TLL1: variants seen among roughly 807,000 people sequenced by gnomAD.
TLL1 encodes tolloid-like protein 1.
TLL1 carries 49 observed loss-of-function variants against 128.2 expected under a neutral mutation model. The observed-to-expected ratio is 0.38, with a 90% CI of 0.30 to 0.48. The LOEUF (loss-of-function observed/expected upper bound fraction) is 0.48, where lower values mean the gene tolerates loss of function less well. TLL1 is among the 20% of genes least tolerant of loss of function. The pLI is 0.96. For synonymous variants in TLL1, 454 were observed against 418.8 expected (o/e 1.08, Z -1.03); for missense variants, 1,123 against 1,242.0 (o/e 0.90, Z 1.44).
At chr4:166,045,596 A>T (rs1739427297) in intron 12 of TLL1, among the ~76,000 whole-genome samples, 1 of 152,138 alleles carries the variant, frequency 6.6e-6, no homozygotes, top group South Asian at 2.1e-4. Context: ...TGCTTTTACA[A>T]TGTACGTTAG....
At chr4:166,055,854 A>ACATCAT (rs1739980162) in intron 13 of TLL1, among the ~76,000 whole-genome samples, 1 of 152,170 alleles carries the variant, frequency 6.6e-6, no homozygotes. Context: ...GAAAATATTA[A>ACATCAT]CATCACATAT....
chr4:165,905,600 TCTC>T (rs1732212636), intron 1 of TLL1, among the ~76,000 whole-genome samples: 1 of 152,242 alleles, frequency 6.6e-6, no homozygotes. Flanking sequence ...CTCGTCATCT[TCTC>T]CTCCTGTTGT....
chr4:165,992,983 G>A (rs1736714957), intron 3 of TLL1, 99 bp downstream of exon 3: 1 of 992,876 alleles, frequency 1.0e-6, no homozygotes, highest in Non-Finnish European at 1.6e-6. Flanking sequence ...CCATTATGAT[G>A]TGAAGTATGT....
At chr4:166,043,158 C>T in intron 11 of TLL1, 116 bp from the exon 12 acceptor site, 2 of 1,385,152 alleles carry the variant, frequency 1.4e-6, no homozygotes, top group Non-Finnish European at 2.0e-6. Context: ...ATTTTTATAG[C>T]CTGGTCTTTA....
In TLL1 at chr4:166,100,730, G is replaced by A. The variant is rs768821024; in HGVS notation, c.2908-12G>A. 1.0e-4 allele frequency: 168 copies of A among 1,612,356 alleles called. No homozygotes were observed. The highest frequency in any genetic ancestry group is 1.4e-4 in the Non-Finnish European group (162 of 1,179,014). Reference sequence around the variant, plus strand: ...GCTTGTTTACTTGCTTGTTGTTTTTGTTTTCCTTCAGCCACCAGAAGAGAT... The same window carrying A: ...GCTTGTTTACTTGCTTGTTGTTTTTATTTTCCTTCAGCCACCAGAAGAGAT... On this transcript the variant is annotated splice_polypyrimidine_tract_variant and intron_variant, in intron 20 of 20. Coordinates refer to ENST00000061240, the MANE Select transcript of TLL1 (RefSeq NM_012464.5).
intron 1 of TLL1, among the ~76,000 whole-genome samples, chr4:165,879,972 TC>T (rs143871034): frequency 0.026 from 3,915 of 152,280 alleles, 167 homozygotes; most frequent in African/African-American, 0.088. Flanking sequence ...CAGAGTCCTC[TC>T]CCCAACCCTG....
At chr4:166,057,533 T>C (rs1319229137) in intron 14 of TLL1, among the ~76,000 whole-genome samples, 1 of 152,062 alleles carries the variant, frequency 6.6e-6, no homozygotes, top group Non-Finnish European at 1.5e-5. Context: ...CTTGTTTATA[T>C]ATGTATAACA....
intron 6 of TLL1, among the ~76,000 whole-genome samples, chr4:166,004,954 G>GGT (rs1553960106): frequency 1.3e-5 from 2 of 151,992 alleles, no homozygotes; most frequent in African/African-American, 4.8e-5. Context: ...GGTGGCGGGG[G>GGT]GGTGCCTGAA....
chr4:166,098,230 G>T (rs1276788052), intron 19 of TLL1, among the ~76,000 whole-genome samples: 1 of 151,372 alleles, frequency 6.6e-6, no homozygotes, highest in African/African-American at 2.4e-5. Flanking sequence ...AGTTACTTGG[G>T]AGGGTGAGGC....
intron 1 of TLL1, among the ~76,000 whole-genome samples, chr4:165,947,417 T>G (rs571815579): frequency 2.0e-5 from 3 of 152,208 alleles, no homozygotes; most frequent in South Asian, 4.1e-4. Flanking sequence ...ACACCTGGCT[T>G]CTTCTTGCAG....
chr4:165,974,158 T>TTTTTTTA (rs869164420), intron 1 of TLL1, among the ~76,000 whole-genome samples: 5 of 122,680 alleles, frequency 4.1e-5, no homozygotes, highest in East Asian at 2.1e-4. Context: ...TTTTTTTTTT[T>TTTTTTTA]GAGACGGAGT....
At chr4:165,877,782 T>C (rs1004236086) in intron 1 of TLL1, among the ~76,000 whole-genome samples, 4 of 151,890 alleles carry the variant, frequency 2.6e-5, no homozygotes, top group Non-Finnish European at 5.9e-5. Flanking sequence ...TCTTTCTTTT[T>C]TTTTTTTCTT....
chr4:166,095,477 C>T (rs775668077), intron 19 of TLL1, among the ~76,000 whole-genome samples: 2 of 151,666 alleles, frequency 1.3e-5, no homozygotes, highest in African/African-American at 2.4e-5. Context: ...ACAGGAGAAA[C>T]ATGGAGAGAA....
Position 165,959,775 on chromosome 4 carries a change from A to G in TLL1, c.170-29606A>G, listed in dbSNP as rs556032503. Among the ~76,000 whole-genome samples the G allele has an allele frequency of 6.6e-5, 10 of 152,274 alleles. No individual in the cohort carries two copies. In the East Asian group the frequency reaches 9.7e-4, roughly 15 times the overall value. On this transcript the variant is annotated intron_variant, in intron 1 of 20. Coordinates refer to ENST00000061240, the MANE Select transcript of TLL1 (RefSeq NM_012464.5). ...AACACACAATTAAGGCAGAAATAAAAAAGTTATTTGAAATTAGTGAAAACG... is the reference window on the plus strand; with the variant it reads ...AACACACAATTAAGGCAGAAATAAAGAAGTTATTTGAAATTAGTGAAAACG...
At chr4:165,921,227 A>G (rs1387585277) in intron 1 of TLL1, among the ~76,000 whole-genome samples, 1 of 152,228 alleles carries the variant, frequency 6.6e-6, no homozygotes, top group Non-Finnish European at 1.5e-5. Context: ...AAAATTTGTT[A>G]TTCTTTTGGA....
At chr4:166,040,575 C>T (rs1024833284) in intron 10 of TLL1, among the ~76,000 whole-genome samples, 1 of 152,142 alleles carries the variant, frequency 6.6e-6, no homozygotes, top group Non-Finnish European at 1.5e-5. Context: ...GAAAAGCTTT[C>T]CTTACTATTT....
intron 3 of TLL1, among the ~76,000 whole-genome samples, chr4:165,994,121 C>T (rs1736758688): frequency 6.6e-6 from 1 of 152,086 alleles, no homozygotes; most frequent in Admixed American, 6.5e-5. Context: ...CTTCTATCCA[C>T]TTTAGGCTGT....
chr4:165,995,191 A>G lies in TLL1; in HGVS notation c.632+13A>G. 1 of 1,560,056 alleles carries G rather than the reference A, an allele frequency of 6.4e-7. No homozygotes were observed. Among genetic ancestry groups the G allele is most frequent in the Non-Finnish European group, 8.8e-7 (1 of 1,130,690 alleles). On this transcript the variant is annotated intron_variant, in intron 5 of 20. Coordinates refer to ENST00000061240, the MANE Select transcript of TLL1 (RefSeq NM_012464.5). ...ATAGGCCTTGTGGGTAAGTAGAACT[A>G]GGTAGGGACTGACTTAAGGAAAAAA...
At chr4:166,007,406 A>G (rs1310567559) in intron 6 of TLL1, among the ~76,000 whole-genome samples, 3 of 151,722 alleles carry the variant, frequency 2.0e-5, no homozygotes. Flanking sequence ...AAATGAAAGT[A>G]GAGAATTTGC....
Sources: allele counts gnomAD v4.1 joint callset (sites outside exome capture counted in the v4.1 genomes callset), GRCh38; gene constraint gnomAD v4.1.1; transcripts MANE v1.5; gene names NCBI Gene and HGNC (gene_info 2026-07-23, HGNC 2026-07-21).